NLGN1: variants seen among roughly 807,000 people sequenced by gnomAD.
NLGN1 encodes neuroligin-1.
NLGN1 carries 12 observed loss-of-function variants against 65.5 expected under a neutral mutation model. The observed-to-expected ratio is 0.18, with a 90% CI of 0.12 to 0.30. NLGN1 has a LOEUF of 0.30. Among genes scored for constraint, NLGN1 ranks in the 10% least tolerant of loss-of-function variants. NLGN1 has a pLI of 1.00. For synonymous variants in NLGN1, 350 were observed against 359.5 expected, an observed-to-expected ratio of 0.97 and a Z score of 0.30; for missense variants, 750 against 1,007.1, an observed-to-expected ratio of 0.74 and a Z score of 3.46.
chr3:173,750,239 A>G (rs866022507), intron 3 of NLGN1, among the ~76,000 whole-genome samples: 1 of 151,936 alleles, frequency 6.6e-6, no homozygotes, highest in Non-Finnish European at 1.5e-5. Flanking sequence ...TGGACTTTCT[A>G]CTGAAGCCTT....
Position 174,260,232 on chromosome 3 carries a change from T to A in NLGN1, c.647-15083T>A, listed in dbSNP as rs1485206488. ...GGATGGCTGGGTCAAATGGTATTTC[T>A]AGTTCTAGATCCCTGAGGAATCGCC... On this transcript the variant is annotated intron_variant, in intron 4 of 6. Coordinates refer to ENST00000457714, the Ensembl canonical transcript of NLGN1. Among the ~76,000 whole-genome samples, 1,341 of 150,506 alleles carry A rather than the reference T, an allele frequency of 8.9e-3. 12 individuals are homozygous for A. The highest frequency in any genetic ancestry group is 0.031 in the African/African-American group (1,254 of 40,642).
At chr3:173,697,303 T>A (rs1766372486) in intron 3 of NLGN1, among the ~76,000 whole-genome samples, 1 of 152,138 alleles carries the variant, frequency 6.6e-6, no homozygotes, top group African/African-American at 2.4e-5. Context: ...ATTTATTTAT[T>A]TTTTACATAT....
intron 4 of NLGN1, among the ~76,000 whole-genome samples, chr3:173,968,573 G>A (rs1172669966): frequency 1.3e-5 from 2 of 149,990 alleles, no homozygotes; most frequent in South Asian, 2.1e-4. Context: ...ATACTTTATA[G>A]CAAGAATATA....
At chr3:174,013,093 A>G (rs757357490) in intron 4 of NLGN1, among the ~76,000 whole-genome samples, 2 of 152,196 alleles carry the variant, frequency 1.3e-5, no homozygotes, top group Non-Finnish European at 2.9e-5. Flanking sequence ...AATGAGAGTA[A>G]CTTTAAACTG....
chr3:173,975,255 A>T (rs192624650), intron 4 of NLGN1, among the ~76,000 whole-genome samples: 1 of 152,074 alleles, frequency 6.6e-6, no homozygotes, highest in Admixed American at 6.6e-5. Context: ...GAGTGAGTTC[A>T]CCTGGATATT....
chr3:173,545,483 CT>C (rs1739637246), intron 2 of NLGN1, among the ~76,000 whole-genome samples: 1 of 152,170 alleles, frequency 6.6e-6, no homozygotes, highest in Non-Finnish European at 1.5e-5. Context: ...TGGAAATACA[CT>C]TTCTTTAAAG....
chr3:173,613,645 A>G (rs1178522336), intron 3 of NLGN1, among the ~76,000 whole-genome samples: 1 of 152,084 alleles, frequency 6.6e-6, no homozygotes, highest in Non-Finnish European at 1.5e-5. Context: ...GTTCTGTTCC[A>G]TTTGTTACTT....
chr3:174,230,156 A>G (rs540992041), intron 4 of NLGN1, among the ~76,000 whole-genome samples: 12 of 152,208 alleles, frequency 7.9e-5, no homozygotes, highest in Non-Finnish European at 1.5e-4. Flanking sequence ...ATATGCAGAG[A>G]TAGGTGCCCC....
chr3:173,765,486 C>T (rs1209708392), intron 3 of NLGN1, among the ~76,000 whole-genome samples: 1 of 152,212 alleles, frequency 6.6e-6, no homozygotes, highest in African/African-American at 2.4e-5. Context: ...TAACTGGACT[C>T]CCTTGTCTTT....
intron 4 of NLGN1, among the ~76,000 whole-genome samples, chr3:174,110,522 G>A (rs552013972): frequency 6.6e-6 from 1 of 151,852 alleles, no homozygotes; most frequent in African/African-American, 2.4e-5. Context: ...TTTTCGTTGG[G>A]TTTAAGTACA....
chr3:174,136,447 T>C (rs994760611), intron 4 of NLGN1: 1 of 152,116 alleles, frequency 6.6e-6, no homozygotes, highest in Non-Finnish European at 1.5e-5. Context: ...AGGAGAAAAT[T>C]GACACTTACT....
chr3:173,852,342 C>T lies in NLGN1; in HGVS notation c.646+44510C>T, dbSNP rs377087828. Among the ~76,000 whole-genome samples, 961 of 103,134 alleles carry T rather than the reference C, an allele frequency of 9.3e-3. 69 individuals carry two copies. In the East Asian group the frequency reaches 0.22, roughly 24 times the overall value. 67.7% of individuals were successfully genotyped at this position (103,134 alleles called of 152,430 possible). Reference sequence around the variant, plus strand: ...CTGCACTCCAGCCTGGGCAACAGAGCGAGACTCCGTCTCAAAAAAAAAAAA... The same window carrying T: ...CTGCACTCCAGCCTGGGCAACAGAGTGAGACTCCGTCTCAAAAAAAAAAAA... On this transcript the variant is annotated intron_variant, in intron 4 of 6. Transcript: ENST00000457714.
At chr3:174,117,152 T>C (rs1436124283) in intron 4 of NLGN1, among the ~76,000 whole-genome samples, 1 of 152,188 alleles carries the variant, frequency 6.6e-6, no homozygotes, top group South Asian at 2.1e-4. Context: ...TTTTTAACTT[T>C]ATAGCCTATT....
intron 4 of NLGN1, among the ~76,000 whole-genome samples, chr3:173,882,993 T>A (rs1426673125): frequency 6.8e-6 from 1 of 147,338 alleles, no homozygotes; most frequent in African/African-American, 2.5e-5. Flanking sequence ...ATTTTAATAT[T>A]GCTGTTTCAC....
intron 3 of NLGN1, among the ~76,000 whole-genome samples, chr3:173,732,526 CG>C (rs1026789260): frequency 6.6e-6 from 1 of 151,934 alleles, no homozygotes; most frequent in African/African-American, 2.4e-5. Flanking sequence ...CGGCTGGGTT[CG>C]GGGTGGGTAG....
At chr3:173,671,959 G>A (rs71310553) in intron 3 of NLGN1, among the ~76,000 whole-genome samples, 1 of 152,088 alleles carries the variant, frequency 6.6e-6, no homozygotes, top group Non-Finnish European at 1.5e-5. Context: ...TGGATCACGA[G>A]GTCAGGAGAT....
chr3:174,088,168 A>G (rs1010397770), intron 4 of NLGN1, among the ~76,000 whole-genome samples: 1 of 152,222 alleles, frequency 6.6e-6, no homozygotes, highest in African/African-American at 2.4e-5. Flanking sequence ...TTGTATTGAC[A>G]TTAGTAACAT....
At position 173,444,060 on chromosome 3, in the gene NLGN1, A is replaced by G. The variant is rs1719714340; in HGVS notation, c.-321+8982A>G. ...TTTAACTTGAAAAGATCTGCAAAAA[A>G]TATAGTTTGAAAAATATCACATATA... is the stretch of plus-strand genomic sequence containing the variant. On this transcript the variant is annotated intron_variant, in intron 2 of 6. Transcript: ENST00000457714. 2.6e-5 allele frequency among the ~76,000 whole-genome samples: 4 copies of G among 152,234 alleles called. No homozygotes were observed. In the South Asian group the frequency reaches 6.2e-4, roughly 24 times the overall value.
intron 4 of NLGN1, among the ~76,000 whole-genome samples, chr3:174,007,314 G>C (rs139445083): frequency 5.3e-5 from 8 of 152,256 alleles, no homozygotes; most frequent in South Asian, 2.1e-4. Context: ...TTTTATGGAA[G>C]CCCTAGCAAA....
Sources: gnomAD v4.1 joint callset for allele counts (sites outside exome capture counted in the v4.1 genomes callset) on GRCh38, gnomAD v4.1.1 for gene constraint, MANE v1.5 for transcripts, NCBI Gene and HGNC (gene_info 2026-07-23, HGNC 2026-07-21) for gene names.